RTL4: variants seen among roughly 807,000 people sequenced by gnomAD.
The protein encoded by RTL4 is retrotransposon Gag like 4.
RTL4 carries 4 observed loss-of-function variants against 5.3 expected under a neutral mutation model. That is an observed-to-expected ratio of 0.75 (90% CI 0.37 to 1.72). The LOEUF is 1.72. Ranked by LOEUF, RTL4 falls within the 40% of genes most tolerant of loss-of-function variation. The pLI is 0.04. For synonymous variants in RTL4, 98 were observed against 87.3 expected, an observed-to-expected ratio of 1.12 and a Z score of -0.68; for missense variants, 260 against 227.1, an observed-to-expected ratio of 1.14 and a Z score of -0.93.
chrX:112,266,490 T>G, the RTL4 span, among the ~76,000 whole-genome samples: 1 of 110,249 alleles, frequency 9.1e-6, no homozygotes, highest in Non-Finnish European at 1.9e-5. Flanking sequence ...GGAGGGGACA[T>G]GAATGGGGGT....
the RTL4 span, among the ~76,000 whole-genome samples, chrX:112,129,946 A>G: frequency 1.1e-3 from 122 of 112,289 alleles, no homozygotes; most frequent in African/African-American, 3.8e-3. Flanking sequence ...CAACAGATAT[A>G]TAAGACCCAT....
At chrX:112,223,675 G>A in the RTL4 span, among the ~76,000 whole-genome samples, 2 of 111,689 alleles carry the variant, frequency 1.8e-5, no homozygotes. Context: ...CTTGAAAGGA[G>A]ATTTAGTTCA....
the RTL4 span, among the ~76,000 whole-genome samples, chrX:112,279,718 G>A: frequency 9.0e-6 from 1 of 111,420 alleles, no homozygotes; most frequent in African/African-American, 3.3e-5. Flanking sequence ...TATTAAAGCA[G>A]AGAGGGCAAC....
chrX:112,376,436 G>GTTAT, the RTL4 span, among the ~76,000 whole-genome samples: 1 of 111,372 alleles, frequency 9.0e-6, no homozygotes, highest in South Asian at 3.7e-4. Flanking sequence ...CAAGCCAATA[G>GTTAT]TTATTTCCCA....
At chrX:112,095,056 A>G in the RTL4 span, among the ~76,000 whole-genome samples, 7 of 111,202 alleles carry the variant, frequency 6.3e-5, no homozygotes, top group South Asian at 1.1e-3. Context: ...AGAAAAGGAG[A>G]GGAGAAGGAA....
the RTL4 span, among the ~76,000 whole-genome samples, chrX:112,409,346 T>A: frequency 8.9e-6 from 1 of 112,076 alleles, no homozygotes; most frequent in African/African-American, 3.2e-5. Flanking sequence ...GTTATCAGTT[T>A]AAAATAATGG....
chrX:112,338,916 A>G, the RTL4 span, among the ~76,000 whole-genome samples: 4 of 112,181 alleles, frequency 3.6e-5, no homozygotes, highest in African/African-American at 1.3e-4. Context: ...TTCAAGATGC[A>G]TTTCCCATGT....
chrX:112,453,566 A>T (rs1926779621), upstream of RTL4, among the ~76,000 whole-genome samples: 1 of 111,842 alleles, frequency 8.9e-6, no homozygotes, highest in South Asian at 3.7e-4. Context: ...CAGGGACTAG[A>T]AAGATAGAAA....
At chrX:112,417,493 A>G in the RTL4 span, among the ~76,000 whole-genome samples, 1 of 111,872 alleles carries the variant, frequency 8.9e-6, no homozygotes, top group Non-Finnish European at 1.9e-5. Flanking sequence ...TACCCCACAT[A>G]GTTTTTTGTT....
the RTL4 span, among the ~76,000 whole-genome samples, chrX:112,131,615 A>G: frequency 9.0e-6 from 1 of 111,694 alleles, no homozygotes; most frequent in African/African-American, 3.3e-5. Context: ...CCCCTTCACT[A>G]TTCGTACTAT....
exon 1 of RTL4, chrX:112,454,714 A>T: frequency 2.6e-6 from 3 of 1,166,150 alleles, no homozygotes; most frequent in South Asian, 4.0e-5. Context: ...ATCCCACCTG[A>T]TTCCAGGAGA....
At chrX:112,161,147 A>G in the RTL4 span, among the ~76,000 whole-genome samples, 1 of 111,762 alleles carries the variant, frequency 8.9e-6, no homozygotes, top group African/African-American at 3.2e-5. Context: ...AAAACATTAC[A>G]CTGTACTTCA....
the RTL4 span, among the ~76,000 whole-genome samples, chrX:112,298,425 T>C: frequency 6.2e-5 from 7 of 112,276 alleles, no homozygotes; most frequent in African/African-American, 1.6e-4. Flanking sequence ...TGAAGAGCTT[T>C]AGAGGTTCAG....
At chrX:112,340,759 C>T in the RTL4 span, among the ~76,000 whole-genome samples, 1 of 110,856 alleles carries the variant, frequency 9.0e-6, no homozygotes, top group African/African-American at 3.3e-5. Flanking sequence ...TTCTGTCACC[C>T]AGGCTGGCGT....
the RTL4 span, among the ~76,000 whole-genome samples, chrX:112,109,549 A>G: frequency 9.0e-6 from 1 of 111,588 alleles, no homozygotes; most frequent in Non-Finnish European, 1.9e-5. Context: ...TCATTTTGCA[A>G]ACCTCTAGCT....
chrX:112,169,032 CTT>C, the RTL4 span, among the ~76,000 whole-genome samples: 5 of 21,739 alleles, frequency 2.3e-4, no homozygotes, highest in Non-Finnish European at 3.2e-4. Context: ...CTTTCTCTTT[CTT>C]TCTTTCTTTC....
the RTL4 span, among the ~76,000 whole-genome samples, chrX:112,263,683 C>T: frequency 1.8e-5 from 2 of 111,595 alleles, no homozygotes; most frequent in African/African-American, 6.5e-5. Flanking sequence ...ATCTAAAGTA[C>T]AGCAGAGTAG....
At chrX:112,132,370 G>A in the RTL4 span, among the ~76,000 whole-genome samples, 4 of 110,904 alleles carry the variant, frequency 3.6e-5, no homozygotes, top group East Asian at 1.1e-3. Context: ...AGGTCAATCA[G>A]ACAGCTTACC....
At chrX:112,103,704 A>T in the RTL4 span, among the ~76,000 whole-genome samples, 1 of 111,196 alleles carries the variant, frequency 9.0e-6, no homozygotes, top group African/African-American at 3.3e-5. Context: ...ACCTAGAAGG[A>T]TTCCTTTCAA....
Sources: allele counts gnomAD v4.1 joint callset (sites outside exome capture counted in the v4.1 genomes callset), GRCh38; gene constraint gnomAD v4.1.1; transcripts MANE v1.5; gene names NCBI Gene and HGNC (gene_info 2026-07-23, HGNC 2026-07-21).